ENOX1: variants seen among roughly 807,000 people sequenced by gnomAD.
ENOX1 encodes ecto-NOX disulfide-thiol exchanger 1, also known as candidate growth-related and time keeping constitutive hydroquinone (NADH) oxidase.
ENOX1 carries 42 observed loss-of-function variants against 82.5 expected under a neutral mutation model. The observed-to-expected ratio is 0.51, with a 90% CI of 0.40 to 0.66. The LOEUF (loss-of-function observed/expected upper bound fraction) is 0.66. Ranked by LOEUF, ENOX1 falls within the 30% of genes least tolerant of loss-of-function variation. The pLI, the probability that ENOX1 is intolerant of heterozygous loss-of-function variation, is 0.00. For synonymous variants in ENOX1, 271 were observed against 282.2 expected, an observed-to-expected ratio of 0.96 and a Z score of 0.40; for missense variants, 608 against 811.6, an observed-to-expected ratio of 0.75 and a Z score of 3.05.
At chr13:43,679,882 C>T (rs919715571) in intron 1 of ENOX1, among the ~76,000 whole-genome samples, 2 of 152,218 alleles carry the variant, frequency 1.3e-5, no homozygotes, top group East Asian at 1.9e-4. Context: ...TTACTTCTTT[C>T]TCTCACCTGA....
chr13:43,604,159 T>C (rs963536054), intron 2 of ENOX1, among the ~76,000 whole-genome samples: 2 of 151,048 alleles, frequency 1.3e-5, no homozygotes, highest in Non-Finnish European at 2.9e-5. Flanking sequence ...CATTTTTTCA[T>C]GTGTTTTTTG....
intron 14 of ENOX1, among the ~76,000 whole-genome samples, chr13:43,259,218 C>T (rs1224140064): frequency 1.3e-5 from 2 of 152,150 alleles, no homozygotes; most frequent in African/African-American, 4.8e-5. Context: ...CAGATTGAAA[C>T]TGGGCTGCTT....
intron 1 of ENOX1, among the ~76,000 whole-genome samples, chr13:43,738,900 CTT>C (rs993103828): frequency 6.6e-6 from 1 of 152,138 alleles, no homozygotes; most frequent in African/African-American, 2.4e-5. Context: ...CCTCTCTGAA[CTT>C]TTTTTCTCAA....
intron 3 of ENOX1, among the ~76,000 whole-genome samples, chr13:43,457,172 T>C (rs1180669586): frequency 6.6e-6 from 1 of 152,202 alleles, no homozygotes; most frequent in Non-Finnish European, 1.5e-5. Flanking sequence ...ACCAGAAGTT[T>C]CTAGTGTTAT....
At chr13:43,572,989 G>GA (rs2080251686) in intron 2 of ENOX1, among the ~76,000 whole-genome samples, 1 of 152,122 alleles carries the variant, frequency 6.6e-6, no homozygotes, top group East Asian at 1.9e-4. Context: ...TGCATTCTTC[G>GA]ATTCTCTTTA....
intron 15 of ENOX1, among the ~76,000 whole-genome samples, chr13:43,233,222 T>G (rs1398342646): frequency 6.6e-6 from 1 of 152,204 alleles, no homozygotes; most frequent in Non-Finnish European, 1.5e-5. Flanking sequence ...TCCAATTATA[T>G]GTCAACCTGT....
At chr13:43,549,610 A>AT (rs908030864) in intron 2 of ENOX1, among the ~76,000 whole-genome samples, 3 of 152,200 alleles carry the variant, frequency 2.0e-5, no homozygotes, top group Non-Finnish European at 4.4e-5. Flanking sequence ...AGATGATGTT[A>AT]TTTTTAACAT....
chr13:43,650,940 C>A (rs754355504), intron 2 of ENOX1, among the ~76,000 whole-genome samples: 2 of 152,302 alleles, frequency 1.3e-5, no homozygotes, highest in South Asian at 4.1e-4. Flanking sequence ...GTCCCTCAAT[C>A]CAACCTTTTT....
chr13:43,483,644 T>C (rs545118938), intron 3 of ENOX1, among the ~76,000 whole-genome samples: 26 of 152,306 alleles, frequency 1.7e-4, no homozygotes, highest in African/African-American at 6.3e-4. Context: ...AAAATATAAT[T>C]TATCCACAAG....
At chr13:43,417,042 C>T (rs2054637856) in intron 3 of ENOX1, among the ~76,000 whole-genome samples, 1 of 152,210 alleles carries the variant, frequency 6.6e-6, no homozygotes, top group Non-Finnish European at 1.5e-5. Flanking sequence ...AACCCTGTCT[C>T]CACCAAAAAT....
At chr13:43,453,377 C>G (rs762225694) in intron 3 of ENOX1, among the ~76,000 whole-genome samples, 4 of 152,148 alleles carry the variant, frequency 2.6e-5, no homozygotes, top group Non-Finnish European at 4.4e-5. Flanking sequence ...CATGAGCTTC[C>G]TTAAAACAAA....
chr13:43,440,896 AAG>A (rs1375967087), intron 3 of ENOX1, among the ~76,000 whole-genome samples: 4 of 152,212 alleles, frequency 2.6e-5, no homozygotes, highest in Non-Finnish European at 5.9e-5. Flanking sequence ...CAGGTTTTGA[AAG>A]CAGTAATAAG....
rs558852666 is a variant in ENOX1 at position 43,550,861 on chromosome 13, G to A, written c.-218-66709C>T. Among the ~76,000 whole-genome samples, 9 of 152,242 alleles carry A rather than the reference G, an allele frequency of 5.9e-5. No individual in the cohort carries two copies. The East Asian group carries it at 1.7e-3, about 29-fold the overall frequency. On this transcript the variant is annotated intron_variant, in intron 2 of 16. Coordinates refer to ENST00000690772, the MANE Select transcript of ENOX1 (RefSeq NM_001347969.2). ...GCCAATGAGCCTTTTGTGACATTACGATAGCAATTTAGATCAGCAGTTTAC... is the reference window on the plus strand; with the variant it reads ...GCCAATGAGCCTTTTGTGACATTACAATAGCAATTTAGATCAGCAGTTTAC...
At chr13:43,708,606 T>C (rs1386543108) in intron 1 of ENOX1, among the ~76,000 whole-genome samples, 3 of 152,154 alleles carry the variant, frequency 2.0e-5, no homozygotes, top group African/African-American at 4.8e-5. Flanking sequence ...CAGCTAACAA[T>C]AGGACAAATT....
chr13:43,283,076 C>G (rs542283284), intron 12 of ENOX1, among the ~76,000 whole-genome samples: 2 of 140,892 alleles, frequency 1.4e-5, no homozygotes, highest in Non-Finnish European at 3.1e-5. Flanking sequence ...GAGCGAGACT[C>G]GGTCTCAAGA....
At chr13:43,528,827 T>C (rs2078088792) in intron 2 of ENOX1, among the ~76,000 whole-genome samples, 1 of 151,932 alleles carries the variant, frequency 6.6e-6, no homozygotes, top group Admixed American at 6.6e-5. Flanking sequence ...TTAGGTAGAT[T>C]TTTTAATATA....
intron 1 of ENOX1, among the ~76,000 whole-genome samples, chr13:43,748,888 ACT>A (rs1950164965): frequency 6.6e-6 from 1 of 152,092 alleles, no homozygotes; most frequent in African/African-American, 2.4e-5. Flanking sequence ...CAGAATACAG[ACT>A]CTAATGACAG....
intron 2 of ENOX1, among the ~76,000 whole-genome samples, chr13:43,599,429 A>G (rs1301854211): frequency 1.3e-5 from 2 of 151,936 alleles, no homozygotes; most frequent in Non-Finnish European, 2.9e-5. Flanking sequence ...TCACAGAGGA[A>G]AGCAACACTA....
intron 1 of ENOX1, among the ~76,000 whole-genome samples, chr13:43,727,716 G>T (rs1444901874): frequency 2.0e-5 from 3 of 151,998 alleles, no homozygotes; most frequent in East Asian, 3.8e-4. Flanking sequence ...TTTCCCTACT[G>T]CCCCCACCTC....
Sources: gnomAD v4.1 joint callset for allele counts (sites outside exome capture counted in the v4.1 genomes callset) on GRCh38, gnomAD v4.1.1 for gene constraint, MANE v1.5 for transcripts, NCBI Gene and HGNC (gene_info 2026-07-23, HGNC 2026-07-21) for gene names.